NAPB: variants seen among roughly 807,000 people sequenced by gnomAD.
The protein encoded by NAPB is NSF attachment protein beta.
NAPB carries 26 observed loss-of-function variants against 44.7 expected under a neutral mutation model. The observed-to-expected ratio is 0.58, with a 90% CI of 0.43 to 0.81. The LOEUF (loss-of-function observed/expected upper bound fraction) is 0.81. Among genes scored for constraint, NAPB ranks in the 30% least tolerant of loss-of-function variants. The probability of loss-of-function intolerance (pLI) is 0.00; values close to 1 mark genes in which losing one functional copy is unlikely to be tolerated. For synonymous variants in NAPB, 120 were observed against 116.8 expected, an observed-to-expected ratio of 1.03 and a Z score of -0.18; for missense variants, 315 against 356.4, an observed-to-expected ratio of 0.88 and a Z score of 0.94.
chr20:23,407,184 A>G (rs908470920), intron 1 of NAPB, among the ~76,000 whole-genome samples: 1 of 152,256 alleles, frequency 6.6e-6, no homozygotes, highest in Admixed American at 6.5e-5. Flanking sequence ...TAAACTGACC[A>G]TAACTTTAAA....
At position 23,421,389 on chromosome 20, in the gene NAPB, C is replaced by T. The variant is rs779232726; in HGVS notation, c.14G>A (p.Gly5Glu). The part of the protein sequence containing the change: MDNA[G>E]KEREAVQLMA... ...CAGCTGTACTGCCTCACGCTCCTTC[C>T]CCGCGTTGTCCATGTCGCCCGCCGC... Residue 5 changes from glycine (G) to glutamate (E), a missense_variant, in exon 1 of 11, where the codon GGG becomes GAG. Gly to Glu is a moderately conservative substitution (Grantham distance 98). This residue lies in a region of NAPB where 179 missense variants were observed against 182.5 expected (regional missense o/e 0.98). Coordinates refer to ENST00000377026, the MANE Select transcript of NAPB (RefSeq NM_022080.3). The T allele has an allele frequency of 1.4e-5, 22 of 1,547,166 alleles. No homozygotes were observed. In the Admixed American group the frequency reaches 2.7e-4, roughly 19 times the overall value.
chr20:23,396,927 T>C, intron 3 of NAPB, 145 bp downstream of exon 3: 1 of 799,396 alleles, frequency 1.3e-6, no homozygotes, highest in Non-Finnish European at 1.8e-6. Context: ...TCCCTAAGGT[T>C]ATCAAAATTC....
intron 7 of NAPB, among the ~76,000 whole-genome samples, chr20:23,382,189 G>GA (rs1983064852): frequency 6.6e-6 from 1 of 152,172 alleles, no homozygotes; most frequent in South Asian, 2.1e-4. Flanking sequence ...AAGGAGAGGG[G>GA]ATGCCACTTC....
chr20:23,416,152 G>C (rs1286738865), intron 1 of NAPB, among the ~76,000 whole-genome samples: 1 of 152,144 alleles, frequency 6.6e-6, no homozygotes, highest in East Asian at 1.9e-4. Context: ...GCTGGGTGAG[G>C]TGTTAGCCAC....
At chr20:23,382,883 G>T (rs1396347444) in intron 7 of NAPB, among the ~76,000 whole-genome samples, 1 of 152,194 alleles carries the variant, frequency 6.6e-6, no homozygotes, top group Non-Finnish European at 1.5e-5. Flanking sequence ...GGCTGGGCAT[G>T]GTGGCTCACG....
At chr20:23,419,638 G>A (rs1341105373) in intron 1 of NAPB, among the ~76,000 whole-genome samples, 1 of 152,188 alleles carries the variant, frequency 6.6e-6, no homozygotes, top group Non-Finnish European at 1.5e-5. Flanking sequence ...TAAATGTTTT[G>A]TGAATCAAAA....
chr20:23,417,914 ACATATG>A (rs1986115686), intron 1 of NAPB, among the ~76,000 whole-genome samples: 1 of 152,170 alleles, frequency 6.6e-6, no homozygotes, highest in East Asian at 1.9e-4. Context: ...TCTCATAAAT[ACATATG>A]CATATTTTCA....
chr20:23,379,441 T>C lies in NAPB; in HGVS notation c.786+4A>G. 6.3e-7 allele frequency: 1 copy of C among 1,596,402 alleles called. No individual in the cohort carries two copies. Reference sequence around the variant, plus strand: ...ATGTACCATGTCCCAAAAGCATAACTTACTGCTTCAGTGTAAGCTTCACTG... The same window carrying C: ...ATGTACCATGTCCCAAAAGCATAACCTACTGCTTCAGTGTAAGCTTCACTG... On this transcript the variant is annotated splice_donor_region_variant and intron_variant, in intron 10 of 10. Transcript: ENST00000377026.
chr20:23,417,187 G>A (rs1986064989), intron 1 of NAPB, among the ~76,000 whole-genome samples: 1 of 151,178 alleles, frequency 6.6e-6, no homozygotes. Flanking sequence ...AGGTTCAAGT[G>A]ATTCTCCTGC....
intron 6 of NAPB, 51 bp downstream of exon 6, chr20:23,390,158 T>A (rs1983843830): frequency 6.5e-7 from 1 of 1,542,716 alleles, no homozygotes; most frequent in Non-Finnish European, 9.0e-7. Flanking sequence ...AGTATTTTTT[T>A]ATCACACATA....
intron 1 of NAPB, among the ~76,000 whole-genome samples, chr20:23,417,380 G>A (rs1174805324): frequency 6.6e-6 from 1 of 152,158 alleles, no homozygotes; most frequent in Non-Finnish European, 1.5e-5. Context: ...CACTGCACCT[G>A]GCCTCCACTG....
At chr20:23,416,214 C>G (rs149592116) in intron 1 of NAPB, among the ~76,000 whole-genome samples, 1 of 152,240 alleles carries the variant, frequency 6.6e-6, no homozygotes, top group African/African-American at 2.4e-5. Context: ...ACTGGCCCTC[C>G]CTCTCTCCAG....
At chr20:23,408,643 T>C (rs1405959198) in intron 1 of NAPB, among the ~76,000 whole-genome samples, 1 of 152,210 alleles carries the variant, frequency 6.6e-6, no homozygotes, top group Non-Finnish European at 1.5e-5. Flanking sequence ...TTTATTTCAG[T>C]GCTTAATATA....
At chr20:23,395,315 T>A in intron 3 of NAPB, 130 bp from the exon 4 acceptor site, 1 of 867,288 alleles carries the variant, frequency 1.2e-6, no homozygotes, top group Non-Finnish European at 1.8e-6. Flanking sequence ...GTGGGCAGGT[T>A]AATGAGAAGC....
chr20:23,386,279 GAAAAC>G (rs1165078603), intron 7 of NAPB, among the ~76,000 whole-genome samples: 1 of 151,818 alleles, frequency 6.6e-6, no homozygotes, highest in East Asian at 1.9e-4. Context: ...CAAATCCAAA[GAAAAC>G]AAAATGGAGG....
Position 23,379,867 on chromosome 20 carries a change from T to G in NAPB, c.735A>C (p.Lys245Asn), listed in dbSNP as rs749301730. Residue 245 changes from lysine (K) to asparagine (N), a missense_variant and splice_region_variant, in exon 9 of 11, where the codon AAA becomes AAC. Physicochemically the swap from Lys to Asn is moderately conservative, Grantham distance 94 (BLOSUM62 0). Coordinates refer to ENST00000377026, the MANE Select transcript of NAPB (RefSeq NM_022080.3). ...TCTTCAAAGTTCTAATATTACTTACTTTCAATAATTTACATTCTCTTGAAT... is the reference window on the plus strand; with the variant it reads ...TCTTCAAAGTTCTAATATTACTTACGTTCAATAATTTACATTCTCTTGAAT... ...FTDSRECKLL[K>N]KLLEAHEEQN... 4.4e-6 allele frequency: 7 copies of G among 1,606,760 alleles called. No individual in the cohort carries two copies.
chr20:23,410,389 C>G (rs1301936925), intron 1 of NAPB, among the ~76,000 whole-genome samples: 2 of 152,152 alleles, frequency 1.3e-5, no homozygotes, highest in African/African-American at 4.8e-5. Context: ...GAAACAGCAT[C>G]CATATGAAGC....
chr20:23,390,151 AT>A (rs979054579), intron 6 of NAPB, 57 bp downstream of exon 6: 45 of 1,535,230 alleles, frequency 2.9e-5, no homozygotes, highest in Non-Finnish European at 3.8e-5. Context: ...ATAAAGAAGT[AT>A]TTTTTTATCA....
chr20:23,384,065 G>A (rs1983266347), intron 7 of NAPB, among the ~76,000 whole-genome samples: 1 of 151,990 alleles, frequency 6.6e-6, no homozygotes, highest in Admixed American at 6.5e-5. Flanking sequence ...ACTTATATAC[G>A]GATTTTTTTC....
Sources: gnomAD v4.1 joint callset for allele counts (sites outside exome capture counted in the v4.1 genomes callset) on GRCh38, gnomAD v4.1.1 for gene constraint, gnomAD v4.1.1 regional missense constraint, MANE v1.5 for transcripts, NCBI Gene and HGNC (gene_info 2026-07-23, HGNC 2026-07-21) for gene names.